Variants in AGGF1 observed in about 807,000 individuals in gnomAD.
The protein encoded by AGGF1 is angiogenic factor with G-patch and FHA domains 1, also known as angiogenic factor with G patch and FHA domains 1.
In AGGF1, 56 loss-of-function variants were observed where a neutral mutation model predicts 86.5. The observed-to-expected ratio is 0.65, with a 90% CI of 0.52 to 0.81. The LOEUF (loss-of-function observed/expected upper bound fraction) is 0.81. Ranked by LOEUF, AGGF1 falls within the 30% of genes least tolerant of loss-of-function variation. AGGF1 has a pLI of 0.00. For synonymous variants in AGGF1, 313 were observed against 297.1 expected (o/e 1.05, Z -0.55); for missense variants, 816 against 850.9 (o/e 0.96, Z 0.51).
rs1416005226 is a variant in AGGF1 at position 77,063,145 on chromosome 5, A to C, written c.2038A>C (p.Lys680Gln). 6.2e-7 allele frequency: 1 copy of C among 1,614,010 alleles called. No homozygotes were observed. The highest frequency in any genetic ancestry group is 8.5e-7 in the Non-Finnish European group (1 of 1,180,034). Residue 680 changes from lysine (K) to glutamine (Q), a missense_variant, in exon 14 of 14, where the codon AAA (lysine) becomes CAA (glutamine). Lys to Gln is a moderately conservative substitution (Grantham distance 53). Transcript: ENST00000312916. ...TCACCTTCTCCAAAACAAGAACAAA[A>C]AAAACTGGGACAAAGCACGAGAGCG... ...DVHLLQNKNK[K>Q]NWDKARERFT...
chr5:77,040,860 C>T (rs571137836), intron 5 of AGGF1, among the ~76,000 whole-genome samples: 1 of 152,230 alleles, frequency 6.6e-6, no homozygotes, highest in East Asian at 1.9e-4. Flanking sequence ...TTCTGTCCTT[C>T]TGTCCTGTCC....
chr5:77,045,769 C>T (rs1747236091), intron 5 of AGGF1, among the ~76,000 whole-genome samples: 1 of 152,250 alleles, frequency 6.6e-6, no homozygotes, highest in African/African-American at 2.4e-5. Flanking sequence ...TAGGCCTGCA[C>T]TATCCAGTAA....
chr5:77,033,377 A>C (rs1746906918), intron 1 of AGGF1, among the ~76,000 whole-genome samples: 1 of 152,188 alleles, frequency 6.6e-6, no homozygotes, highest in African/African-American at 2.4e-5. Context: ...GGTTTTGTGA[A>C]TTAATGAGAT....
At chr5:77,060,225 A>G (rs893877967) in intron 12 of AGGF1, among the ~76,000 whole-genome samples, 2 of 152,176 alleles carry the variant, frequency 1.3e-5, no homozygotes, top group Non-Finnish European at 2.9e-5. Context: ...TTGGAATTCT[A>G]TTATCCCCTA....
chr5:77,031,388 A>G (rs1472504444), intron 1 of AGGF1, among the ~76,000 whole-genome samples: 1 of 152,236 alleles, frequency 6.6e-6, no homozygotes, highest in Non-Finnish European at 1.5e-5. Flanking sequence ...AATGAGAATG[A>G]TAGCTCACAG....
At position 77,036,579 on chromosome 5, in the gene AGGF1, A is replaced by T; in HGVS notation, c.540A>T (p.Thr180=). 2 of 1,614,184 alleles carry T rather than the reference A, an allele frequency of 1.2e-6. No homozygotes were observed. The highest frequency in any genetic ancestry group is 1.7e-6 in the Non-Finnish European group (2 of 1,180,022). ...NSQEPASALA[T]EDTSLEGSSL... ...AGGAGCCAGCATCTGCATTAGCAAC[A>T]GAAGATACCTCCTTAGAAGGCTCAT... Residue 180 remains threonine, a synonymous_variant, in exon 4 of 14, where the codon ACA becomes ACT. Transcript: ENST00000312916.
intron 11 of AGGF1, among the ~76,000 whole-genome samples, chr5:77,056,378 G>A (rs1484911169): frequency 2.0e-5 from 3 of 151,726 alleles, no homozygotes; most frequent in Non-Finnish European, 4.4e-5. Context: ...GCAGGGGCCC[G>A]CCACCACGCC....
rs767787125 is a variant in AGGF1 at position 77,031,001 on chromosome 5, G to T, written c.210+25G>T. On this transcript the variant is annotated intron_variant, in intron 1 of 13. Transcript: ENST00000312916. Reference sequence around the variant, plus strand: ...GGTGCGCGGTCCTCCTCAGCCCCGCGCCCCATCCAGCCCAGGCGAGGCCTT... The same window carrying T: ...GGTGCGCGGTCCTCCTCAGCCCCGCTCCCCATCCAGCCCAGGCGAGGCCTT... 6.8e-6 allele frequency: 11 copies of T among 1,609,738 alleles called. No individual in the cohort carries two copies. In the South Asian group the frequency reaches 8.8e-5, roughly 13 times the overall value.
chr5:77,048,454 C>T (rs1451753942), intron 7 of AGGF1, among the ~76,000 whole-genome samples, 182 bp downstream of exon 7: 1 of 152,112 alleles, frequency 6.6e-6, no homozygotes, highest in Non-Finnish European at 1.5e-5. Context: ...TGGGTTCAAG[C>T]AGTTCTCCTG....
chr5:77,031,864 A>G (rs1159224601), intron 1 of AGGF1, among the ~76,000 whole-genome samples: 1 of 152,150 alleles, frequency 6.6e-6, no homozygotes, highest in Admixed American at 6.5e-5. Context: ...AGATCGTGCC[A>G]CTGCACTCCA....
At chr5:77,050,573 A>G (rs149902590) in intron 8 of AGGF1, among the ~76,000 whole-genome samples, 1 of 152,038 alleles carries the variant, frequency 6.6e-6, no homozygotes, top group Non-Finnish European at 1.5e-5. Context: ...TAGCACATAT[A>G]ACATGTATCC....
chr5:77,035,361 C>G (rs946118894), intron 2 of AGGF1, among the ~76,000 whole-genome samples, 180 bp from the exon 3 acceptor site: 1 of 151,970 alleles, frequency 6.6e-6, no homozygotes, highest in Non-Finnish European at 1.5e-5. Context: ...CAAAGATACA[C>G]ACTTCTGCAG....
Position 77,039,627 on chromosome 5 carries a change from C to T in AGGF1, c.778C>T (p.Pro260Ser), listed in dbSNP as rs1454956541. 12 of 1,612,910 alleles carry T rather than the reference C, an allele frequency of 7.4e-6. No individual in the cohort carries two copies. Among genetic ancestry groups the T allele is most frequent in the African/African-American group, 4.0e-5 (3 of 74,810 alleles). ...GTTTCATTCTCGAGTAGATTTGCAA[C>T]CTTATCCGACTTCTAGCACAAAACA... ...YQFHSRVDLQ[P>S]YPTSSTKQSK... The change falls in exon 5 of 14, where the codon CCT becomes TCT. Residue 260 changes from proline (P) to serine (S), a missense_variant. By Grantham distance (74) the Pro-to-Ser change is moderately conservative (BLOSUM62 -1). Around this residue, in one of 3 missense-constraint regions of AGGF1, gnomAD observed 565 missense variants for 585.8 expected, o/e 0.96. Transcript: ENST00000312916.
At position 77,034,521 on chromosome 5, in the gene AGGF1, G is replaced by T. The variant is rs2150726734; in HGVS notation, c.313+1G>T. 1.3e-6 allele frequency: 2 copies of T among 1,594,254 alleles called. No homozygotes were observed. Among genetic ancestry groups the T allele is most frequent in the South Asian group, 1.1e-5 (1 of 90,676 alleles). On this transcript the variant is annotated splice_donor_variant, in intron 2 of 13. Transcript: ENST00000312916. LOFTEE classifies it high-confidence loss of function. ...AACCATGCTCCTTGGTCAATCTCAG[G>T]TATTTAGCTTATAGTGAGGATATGC... is the stretch of plus-strand genomic sequence containing the variant.
intron 13 of AGGF1, 72 bp from the exon 14 acceptor site, chr5:77,062,980 C>T: frequency 1.3e-6 from 2 of 1,536,952 alleles, no homozygotes; most frequent in Non-Finnish European, 1.8e-6. Flanking sequence ...TTGTAGAGTC[C>T]TAAGTTGGAC....
intron 12 of AGGF1, among the ~76,000 whole-genome samples, 192 bp downstream of exon 12, chr5:77,059,935 G>A (rs561633423): frequency 6.6e-6 from 1 of 152,072 alleles, no homozygotes; most frequent in South Asian, 2.1e-4. Flanking sequence ...TCCATCTCCC[G>A]GGTTCAGGCG....
Position 77,052,345 on chromosome 5 carries a change from C to CCTGT in AGGF1, c.1366-358_1366-355dup, listed in dbSNP as rs202007591. On this transcript the variant is annotated intron_variant, in intron 8 of 13. Transcript: ENST00000312916. Reference sequence around the variant, plus strand: ...TGTAGCCTGGGTGACAGAGCGAGACCCTGTCTCAAAAAAAAAAGTTTTTGA... The same window carrying CCTGT: ...TGTAGCCTGGGTGACAGAGCGAGACCCTGTCTGTCTCAAAAAAAAAAGTTTTTGA... Among the ~76,000 whole-genome samples, 837 of 150,908 alleles carry CCTGT rather than the reference C, an allele frequency of 5.5e-3. 9 individuals are homozygous for CCTGT. Among genetic ancestry groups the CCTGT allele is most frequent in the African/African-American group, 0.019 (780 of 41,048 alleles).
intron 12 of AGGF1, 54 bp from the exon 13 acceptor site, chr5:77,061,649 A>G: frequency 1.3e-6 from 2 of 1,509,366 alleles, no homozygotes; most frequent in African/African-American, 1.4e-5. Context: ...TTTATTATAA[A>G]TGTGACCTAA....
At chr5:77,038,992 T>A (rs1747015179) in intron 4 of AGGF1, among the ~76,000 whole-genome samples, 1 of 152,184 alleles carries the variant, frequency 6.6e-6, no homozygotes. Context: ...TTTTTTGGTA[T>A]GCATGAACTT....
Sources: allele counts gnomAD v4.1 joint callset (sites outside exome capture counted in the v4.1 genomes callset), GRCh38; gene constraint gnomAD v4.1.1; regional missense constraint gnomAD v4.1.1; transcripts MANE v1.5; gene names NCBI Gene and HGNC (gene_info 2026-07-23, HGNC 2026-07-21).